The following ITSN1 variants were observed in gnomAD, a reference collection of about 807,000 sequenced individuals.
ITSN1 encodes intersectin-1.
In ITSN1, 58 loss-of-function variants were observed where a neutral mutation model predicts 239.8. That is an observed-to-expected ratio of 0.24 (90% confidence interval 0.20 to 0.30). The LOEUF is 0.30. ITSN1 is among the 10% of genes least tolerant of loss of function. The probability of loss-of-function intolerance (pLI) is 1.00; values close to 1 mark genes in which losing one functional copy is unlikely to be tolerated. For missense variants in ITSN1, 1,558 were observed against 2,103.3 expected (o/e 0.74, Z 5.07); for synonymous variants, 780 against 770.8 (o/e 1.01, Z -0.20).
At chr21:33,772,036 T>C in intron 11 of ITSN1, 25 bp from the exon 12 acceptor site, 1 of 1,606,392 alleles carries the variant, frequency 6.2e-7, no homozygotes, top group Non-Finnish European at 8.5e-7. Flanking sequence ...TGAGTTTTCA[T>C]AGTTGCTGTG....
intron 10 of ITSN1, among the ~76,000 whole-genome samples, chr21:33,766,249 A>G (rs1409646908): frequency 1.3e-5 from 2 of 152,230 alleles, no homozygotes; most frequent in South Asian, 4.1e-4. Flanking sequence ...TTGATTTTCT[A>G]CCAACCTATG....
chr21:33,697,174 C>T (rs1416372585), intron 1 of ITSN1, among the ~76,000 whole-genome samples: 1 of 151,168 alleles, frequency 6.6e-6, no homozygotes, highest in African/African-American at 2.4e-5. Flanking sequence ...CCTCTAGCTC[C>T]CGAGTTGAAG....
intron 1 of ITSN1, among the ~76,000 whole-genome samples, chr21:33,654,366 T>A (rs1408635414): frequency 5.3e-5 from 8 of 152,096 alleles, no homozygotes; most frequent in Non-Finnish European, 1.0e-4. Flanking sequence ...TTTGATTTTT[T>A]AAATTCACTT....
At chr21:33,752,060 A>T (rs898777700) in intron 7 of ITSN1, among the ~76,000 whole-genome samples, 154 bp downstream of exon 7, 3 of 151,256 alleles carry the variant, frequency 2.0e-5, no homozygotes, top group Admixed American at 1.3e-4. Context: ...TAATTTCTGG[A>T]TAGTGTCACT....
chr21:33,811,340 C>T (rs1324626618), intron 21 of ITSN1, 118 bp downstream of exon 21: 14 of 937,742 alleles, frequency 1.5e-5, no homozygotes, highest in Non-Finnish European at 2.1e-5. Flanking sequence ...GGAGCTGGCT[C>T]ATTTTCAGTA....
intron 5 of ITSN1, among the ~76,000 whole-genome samples, chr21:33,748,810 A>G (rs921317523): frequency 2.6e-5 from 4 of 152,102 alleles, no homozygotes; most frequent in African/African-American, 9.7e-5. Context: ...GGCTACAGTG[A>G]GCTATGATCA....
At chr21:33,703,505 G>A (rs2092116675) in intron 1 of ITSN1, among the ~76,000 whole-genome samples, 1 of 151,942 alleles carries the variant, frequency 6.6e-6, no homozygotes, top group Non-Finnish European at 1.5e-5. Context: ...TCTATTTTTT[G>A]TACCTAAATA....
intron 29 of ITSN1, among the ~76,000 whole-genome samples, chr21:33,848,704 C>T (rs947180781): frequency 6.6e-6 from 1 of 152,218 alleles, no homozygotes; most frequent in Non-Finnish European, 1.5e-5. Context: ...GGCGTTCCAC[C>T]TGAACGCCCA....
At chr21:33,753,924 T>C (rs2067740440) in intron 7 of ITSN1, among the ~76,000 whole-genome samples, 1 of 152,210 alleles carries the variant, frequency 6.6e-6, no homozygotes, top group Admixed American at 6.5e-5. Context: ...AACAACTGTT[T>C]TATGTTGTCA....
intron 29 of ITSN1, among the ~76,000 whole-genome samples, chr21:33,851,934 C>A (rs1978390842): frequency 6.6e-6 from 1 of 151,604 alleles, no homozygotes; most frequent in African/African-American, 2.4e-5. Context: ...CAGGCATGTA[C>A]CACCATGCAT....
At chr21:33,648,944 G>A (rs893769453) in intron 1 of ITSN1, among the ~76,000 whole-genome samples, 2 of 152,178 alleles carry the variant, frequency 1.3e-5, no homozygotes, top group African/African-American at 4.8e-5. Flanking sequence ...CAACTGTCCA[G>A]CATTCATCCT....
At chr21:33,742,892 A>G (rs545407856) in intron 5 of ITSN1, among the ~76,000 whole-genome samples, 4 of 152,334 alleles carry the variant, frequency 2.6e-5, no homozygotes, top group African/African-American at 9.6e-5. Context: ...ACACAAAGTT[A>G]TTATTAGGAA....
At chr21:33,657,967 C>T (rs2146220091) in intron 1 of ITSN1, among the ~76,000 whole-genome samples, 1 of 152,240 alleles carries the variant, frequency 6.6e-6, no homozygotes, top group Non-Finnish European at 1.5e-5. Context: ...GCCTGAGCGA[C>T]AGAGCCAGAT....
intron 29 of ITSN1, chr21:33,837,874 A>C (rs1483804289): frequency 1.0e-6 from 1 of 985,718 alleles, no homozygotes; most frequent in Non-Finnish European, 1.2e-6. Context: ...TCAGTAGACA[A>C]CACCACTGAG....
At chr21:33,828,848 C>T in intron 26 of ITSN1, 1 of 431,430 alleles carries the variant, frequency 2.3e-6, no homozygotes, top group East Asian at 7.1e-5. Flanking sequence ...AGAGCCTGGT[C>T]TGTGGTACCG....
chr21:33,885,511 G>A lies in ITSN1; in HGVS notation c.4832G>A (p.Cys1611Tyr). ...NVVEGIELKPCRSHGKSNPYC... is the reference protein window; with the variant it reads ...NVVEGIELKPYRSHGKSNPYC... ...GTTGAAGGCATCGAGTTGAAACCCT[G>A]TCGGTCACATGGTAAGGCTGTGAGG... The change falls in exon 38 of 40, where the codon TGT (cysteine) becomes TAT (tyrosine). Residue 1611 changes from cysteine to tyrosine, a missense_variant. This residue lies in a region of ITSN1 where 576 missense variants were observed against 893.3 expected (regional missense o/e 0.64). Coordinates refer to ENST00000381318, the MANE Select transcript of ITSN1 (RefSeq NM_003024.3). The A allele has an allele frequency of 1.9e-6, 3 of 1,614,078 alleles. No individual in the cohort carries two copies. The highest frequency in any genetic ancestry group is 2.5e-6 in the Non-Finnish European group (3 of 1,179,988).
chr21:33,718,788 C>T lies in ITSN1; in HGVS notation c.-32-9C>T. 1 of 1,589,520 alleles carries T rather than the reference C, an allele frequency of 6.3e-7. No homozygotes were observed. Among genetic ancestry groups the T allele is most frequent in the Non-Finnish European group, 8.6e-7 (1 of 1,159,106 alleles). ...TTCATAAACTTAAATGTTGCATTTT[C>T]ACTTACAGGCGTCGATTAGCAAGGT... On this transcript the variant is annotated splice_polypyrimidine_tract_variant and intron_variant, in intron 1 of 39. Transcript: ENST00000381318.
intron 15 of ITSN1, 77 bp from the exon 16 acceptor site, chr21:33,781,917 A>C: frequency 2.2e-6 from 3 of 1,359,550 alleles, no homozygotes; most frequent in Non-Finnish European, 3.0e-6. Flanking sequence ...TCCTTAAGTG[A>C]AATGAGAACA....
intron 39 of ITSN1, among the ~76,000 whole-genome samples, chr21:33,887,943 G>T (rs1229284188): frequency 6.7e-6 from 1 of 148,914 alleles, no homozygotes; most frequent in Non-Finnish European, 1.5e-5. Flanking sequence ...TTGGGGTTGG[G>T]TTTTTTTTTT....
Sources: allele counts gnomAD v4.1 joint callset (sites outside exome capture counted in the v4.1 genomes callset), GRCh38; gene constraint gnomAD v4.1.1; regional missense constraint gnomAD v4.1.1; transcripts MANE v1.5; gene names NCBI Gene and HGNC (gene_info 2026-07-23, HGNC 2026-07-21).